The following ESRRG variants were observed in gnomAD, a reference collection of about 807,000 sequenced individuals.
The protein encoded by ESRRG is estrogen-related receptor gamma.
A neutral mutation model predicts 44.0 loss-of-function variants in ESRRG; 13 were observed. That is an observed-to-expected ratio of 0.30 (90% CI 0.19 to 0.47). The LOEUF (loss-of-function observed/expected upper bound fraction) is 0.47, where lower values mean the gene tolerates loss of function less well. ESRRG is among the 20% of genes least tolerant of loss of function. The pLI is 1.00. For missense variants in ESRRG, 395 were observed against 580.6 expected, an observed-to-expected ratio of 0.68 and a Z score of 3.29; for synonymous variants, 215 against 214.6, an observed-to-expected ratio of 1.00 and a Z score of -0.02.
At chr1:217,088,723 G>C (rs760963746) in intron 1 of ESRRG, among the ~76,000 whole-genome samples, 18 of 152,142 alleles carry the variant, frequency 1.2e-4, no homozygotes, top group Non-Finnish European at 1.9e-4. Context: ...TTCTGAAAGG[G>C]GGAGAGGGTG....
intron 1 of ESRRG, chr1:216,682,088 T>A (rs552324765): frequency 1.3e-5 from 2 of 152,352 alleles, no homozygotes; most frequent in South Asian, 2.1e-4. Context: ...GAAATACAAG[T>A]TCTTAACAAG....
At chr1:216,586,753 A>ATT (rs35621787) in intron 3 of ESRRG, among the ~76,000 whole-genome samples, 125,762 of 151,498 alleles carry the variant, frequency 0.83, 52,512 homozygotes, top group African/African-American at 0.87. Context: ...TTTTTTTTGT[A>ATT]TTTTGTAGAG....
chr1:216,692,851 C>G (rs546025037), intron 1 of ESRRG, among the ~76,000 whole-genome samples: 5 of 152,192 alleles, frequency 3.3e-5, no homozygotes, highest in Admixed American at 6.5e-5. Context: ...ATGCTGTACA[C>G]ATTTGTAGCC....
At chr1:216,520,773 A>G (rs1182734044) in intron 5 of ESRRG, among the ~76,000 whole-genome samples, 2 of 152,180 alleles carry the variant, frequency 1.3e-5, no homozygotes, top group Non-Finnish European at 2.9e-5. Flanking sequence ...ATGCAACTTA[A>G]GAAATCTATT....
intron 2 of ESRRG, among the ~76,000 whole-genome samples, chr1:216,924,805 G>T (rs114822158): frequency 6.6e-6 from 1 of 152,072 alleles, no homozygotes; most frequent in Non-Finnish European, 1.5e-5. Flanking sequence ...AAGCCGTAGC[G>T]GGTGAGGTGA....
chr1:216,874,447 A>G (rs1415518795), intron 2 of ESRRG, among the ~76,000 whole-genome samples: 1 of 152,218 alleles, frequency 6.6e-6, no homozygotes, highest in Non-Finnish European at 1.5e-5. Context: ...GAAGAATAAT[A>G]TAATAAATAC....
intron 1 of ESRRG, among the ~76,000 whole-genome samples, chr1:217,115,865 G>A (rs962190444): frequency 2.0e-5 from 3 of 152,002 alleles, no homozygotes; most frequent in African/African-American, 7.3e-5. Context: ...AAGAGCCCTG[G>A]GGCTTTTGTC....
intron 2 of ESRRG, among the ~76,000 whole-genome samples, chr1:216,729,277 A>G (rs980594677): frequency 7.9e-5 from 12 of 152,202 alleles, no homozygotes; most frequent in African/African-American, 1.4e-4. Flanking sequence ...TTACAGAAGC[A>G]CCTTCTTACA....
At chr1:216,987,513 G>A (rs577233764) in intron 1 of ESRRG, among the ~76,000 whole-genome samples, 1 of 152,290 alleles carries the variant, frequency 6.6e-6, no homozygotes, top group African/African-American at 2.4e-5. Context: ...TCCTCTTTGA[G>A]GTGAAATCAA....
chr1:216,797,122 C>A, intron 2 of ESRRG, among the ~76,000 whole-genome samples: 1 of 152,192 alleles, frequency 6.6e-6, no homozygotes. Flanking sequence ...GAACTCCTGA[C>A]CTCATGACCC....
At chr1:216,520,948 G>T (rs1472584017) in intron 5 of ESRRG, among the ~76,000 whole-genome samples, 2 of 152,096 alleles carry the variant, frequency 1.3e-5, no homozygotes, top group African/African-American at 4.8e-5. Flanking sequence ...AAAAGGAAAG[G>T]ATTTCCTGAC....
intron 3 of ESRRG, among the ~76,000 whole-genome samples, chr1:216,606,446 C>T (rs1169005600): frequency 2.0e-5 from 3 of 152,172 alleles, no homozygotes; most frequent in African/African-American, 7.2e-5. Flanking sequence ...ATCTTTTTCT[C>T]TATGGATTCT....
chr1:216,844,763 ATGTGTG>A (rs35416075), intron 2 of ESRRG, among the ~76,000 whole-genome samples: 5 of 150,652 alleles, frequency 3.3e-5, no homozygotes, highest in African/African-American at 9.7e-5. Flanking sequence ...GCATTCGTGC[ATGTGTG>A]TGTGTGTGTG....
chr1:216,631,928 G>A (rs2064274901), intron 3 of ESRRG, among the ~76,000 whole-genome samples: 1 of 152,078 alleles, frequency 6.6e-6, no homozygotes. Context: ...CAGGAAGCCA[G>A]CAAGAACTGT....
chr1:216,882,946 A>T (rs1189553287), intron 2 of ESRRG, among the ~76,000 whole-genome samples: 1 of 151,942 alleles, frequency 6.6e-6, no homozygotes, highest in Non-Finnish European at 1.5e-5. Context: ...AAAAAAAAAA[A>T]TGCTCTCTAA....
intron 2 of ESRRG, among the ~76,000 whole-genome samples, chr1:216,812,527 A>G (rs570686592): frequency 2.0e-5 from 3 of 152,272 alleles, no homozygotes; most frequent in African/African-American, 7.2e-5. Flanking sequence ...CAGACATAGC[A>G]CTCATAGATG....
intron 1 of ESRRG, among the ~76,000 whole-genome samples, chr1:216,988,507 C>T (rs1404339549): frequency 2.6e-5 from 4 of 152,162 alleles, no homozygotes; most frequent in Non-Finnish European, 2.9e-5. Context: ...CCTTCAGGTT[C>T]CCTGTCCAAC....
At chr1:216,918,595 T>A (rs1035819558) in intron 2 of ESRRG, among the ~76,000 whole-genome samples, 2 of 152,136 alleles carry the variant, frequency 1.3e-5, no homozygotes, top group African/African-American at 4.8e-5. Context: ...TTCTCTACTA[T>A]TATTTAACTT....
intron 3 of ESRRG, among the ~76,000 whole-genome samples, chr1:216,646,495 G>C (rs959118694): frequency 6.6e-6 from 1 of 152,100 alleles, no homozygotes; most frequent in Non-Finnish European, 1.5e-5. Flanking sequence ...TCTTAGAGAA[G>C]TTCTTTAACT....
Sources: gnomAD v4.1 joint callset for allele counts (sites outside exome capture counted in the v4.1 genomes callset) on GRCh38, gnomAD v4.1.1 for gene constraint, MANE v1.5 for transcripts, NCBI Gene and HGNC (gene_info 2026-07-23, HGNC 2026-07-21) for gene names.